Variants in CHCHD3 observed in about 807,000 individuals in gnomAD.
CHCHD3 encodes the protein coiled-coil-helix-coiled-coil-helix domain containing 3.
In CHCHD3, 20 loss-of-function variants were observed where a neutral mutation model predicts 38.2. The ratio of observed to expected loss-of-function variants is 0.52; its 90% CI spans 0.37 to 0.76. The LOEUF is 0.76. Ranked by LOEUF, CHCHD3 falls within the 30% of genes least tolerant of loss-of-function variation. The pLI is 0.00. For missense variants in CHCHD3, 245 were observed against 279.2 expected, an observed-to-expected ratio of 0.88 and a Z score of 0.87; for synonymous variants, 82 against 100.0, an observed-to-expected ratio of 0.82 and a Z score of 1.07.
intron 6 of CHCHD3, among the ~76,000 whole-genome samples, chr7:132,817,002 C>G (rs934708850): frequency 2.0e-5 from 3 of 152,096 alleles, no homozygotes; most frequent in Non-Finnish European, 2.9e-5. Flanking sequence ...AATGTGGCTG[C>G]CTGAAAAACA....
At chr7:132,864,507 A>G (rs1808568598) in intron 5 of CHCHD3, among the ~76,000 whole-genome samples, 1 of 152,232 alleles carries the variant, frequency 6.6e-6, no homozygotes, top group Non-Finnish European at 1.5e-5. Context: ...AATGTGGCAC[A>G]GAGACACTAA....
At chr7:133,066,704 G>A (rs1385034045) in intron 2 of CHCHD3, among the ~76,000 whole-genome samples, 4 of 152,022 alleles carry the variant, frequency 2.6e-5, no homozygotes, top group African/African-American at 4.8e-5. Flanking sequence ...CATGCTCTTC[G>A]GGCCAGACAC....
intron 2 of CHCHD3, among the ~76,000 whole-genome samples, chr7:133,066,313 G>A (rs1489832534): frequency 6.6e-6 from 1 of 151,334 alleles, no homozygotes; most frequent in African/African-American, 2.4e-5. Context: ...GAAGTGCAGT[G>A]GCACAATCTC....
intron 4 of CHCHD3, among the ~76,000 whole-genome samples, chr7:132,931,426 C>T (rs537534804): frequency 2.6e-4 from 40 of 152,292 alleles, no homozygotes; most frequent in Middle Eastern, 3.4e-3. Flanking sequence ...TACTTTTCTA[C>T]AGGAACTAGA....
chr7:132,935,949 G>C (rs1488990831), intron 4 of CHCHD3, among the ~76,000 whole-genome samples: 1 of 152,064 alleles, frequency 6.6e-6, no homozygotes, highest in Non-Finnish European at 1.5e-5. Context: ...GAGAGGATGG[G>C]GGCCAAACTT....
chr7:133,011,533 T>C (rs1812873370), intron 3 of CHCHD3, among the ~76,000 whole-genome samples: 1 of 152,182 alleles, frequency 6.6e-6, no homozygotes. Flanking sequence ...TGCTGGCCTC[T>C]ACCTATCAGA....
intron 5 of CHCHD3, among the ~76,000 whole-genome samples, chr7:132,884,821 C>T (rs1309709771): frequency 6.6e-6 from 1 of 152,164 alleles, no homozygotes; most frequent in Admixed American, 6.5e-5. Context: ...AATTCTAGAC[C>T]CATGCTGACT....
At chr7:133,059,649 AAG>A (rs1814443187) in intron 2 of CHCHD3, among the ~76,000 whole-genome samples, 3 of 152,316 alleles carry the variant, frequency 2.0e-5, no homozygotes, top group East Asian at 3.9e-4. Context: ...GATGGTACTC[AAG>A]AAAGTGCCTC....
intron 2 of CHCHD3, among the ~76,000 whole-genome samples, chr7:133,032,487 C>A (rs1247520872): frequency 6.6e-6 from 1 of 152,170 alleles, no homozygotes; most frequent in East Asian, 1.9e-4. Context: ...CATTATCACT[C>A]CATCAGGATG....
chr7:132,997,741 C>G (rs55793056), intron 3 of CHCHD3, among the ~76,000 whole-genome samples: 1 of 148,164 alleles, frequency 6.7e-6, no homozygotes, highest in African/African-American at 2.5e-5. Flanking sequence ...TTGTCAGAGA[C>G]CAATGCTTGA....
rs1005146883 is a variant in CHCHD3, at chr7:132,963,322, ATTTTTTTT to A, written c.369+11839_369+11846del. On this transcript the variant is annotated intron_variant, in intron 4 of 7. Coordinates refer to ENST00000262570, the MANE Select transcript of CHCHD3 (RefSeq NM_017812.4). ...TTAAGAAAGGAATTTTAAAATTGTA[ATTTTTTTT>A]TTTTTTTTTTTTTTTTTTTTGCCAG... is the stretch of plus-strand genomic sequence containing the variant. 4.5e-4 allele frequency among the ~76,000 whole-genome samples: 39 copies of A among 87,572 alleles called. 1 individual carries two copies. In the South Asian group the frequency reaches 0.014, roughly 30 times the overall value. 57.5% of individuals were successfully genotyped at this position (87,572 alleles called of 152,430 possible).
At chr7:132,946,946 T>C (rs1489166134) in intron 4 of CHCHD3, among the ~76,000 whole-genome samples, 1 of 151,984 alleles carries the variant, frequency 6.6e-6, no homozygotes, top group East Asian at 1.9e-4. Context: ...GCTTCGACAG[T>C]TGTCTCTTCT....
rs140500605 is a variant in CHCHD3 at position 132,958,053 on chromosome 7, C to T, written c.369+17116G>A. Among the ~76,000 whole-genome samples the T allele has an allele frequency of 3.9e-3, 593 of 152,294 alleles. 3 individuals carry two copies. The highest frequency in any genetic ancestry group is 0.014 in the African/African-American group (569 of 41,556). On this transcript the variant is annotated intron_variant, in intron 4 of 7. Transcript: ENST00000262570. The stretch of plus-strand genomic sequence containing the variant: ...ATGTGGGACCTCCTGCTAAGATATA[C>T]TCTTTCTGCAGACCAAGTACCTGGA...
chr7:132,865,527 A>G (rs1808596520), intron 5 of CHCHD3, among the ~76,000 whole-genome samples: 2 of 152,202 alleles, frequency 1.3e-5, no homozygotes, highest in Admixed American at 6.5e-5. Context: ...GAGGTGGTGA[A>G]TACAGATCCA....
intron 4 of CHCHD3, among the ~76,000 whole-genome samples, chr7:132,901,566 T>C (rs896751164): frequency 2.6e-5 from 4 of 152,232 alleles, no homozygotes; most frequent in African/African-American, 4.8e-5. Flanking sequence ...TGATGGCCAG[T>C]GATGATCAGA....
intron 4 of CHCHD3, among the ~76,000 whole-genome samples, chr7:132,900,425 T>A (rs1809638222): frequency 6.6e-6 from 1 of 152,158 alleles, no homozygotes; most frequent in East Asian, 1.9e-4. Flanking sequence ...CTCCTCTTGA[T>A]CTGTCTCATC....
intron 2 of CHCHD3, among the ~76,000 whole-genome samples, chr7:133,047,088 A>G: frequency 6.6e-6 from 1 of 152,182 alleles, no homozygotes; most frequent in East Asian, 1.9e-4. Flanking sequence ...AGCTGCTGGG[A>G]TATGCTAATG....
chr7:132,891,961 G>A (rs1809373185), intron 4 of CHCHD3, among the ~76,000 whole-genome samples: 1 of 152,188 alleles, frequency 6.6e-6, no homozygotes, highest in Non-Finnish European at 1.5e-5. Flanking sequence ...GCCTTCCCAG[G>A]AAGCGTAACT....
chr7:132,988,285 A>ACACACACACACACACC (rs1027636610), intron 3 of CHCHD3, among the ~76,000 whole-genome samples: 1 of 135,600 alleles, frequency 7.4e-6, no homozygotes, highest in East Asian at 2.3e-4. Context: ...TACAGAAAAT[A>ACACACACACACACACC]CACACACACA....
Sources: allele counts gnomAD v4.1 joint callset (sites outside exome capture counted in the v4.1 genomes callset), GRCh38; gene constraint gnomAD v4.1.1; transcripts MANE v1.5; gene names NCBI Gene and HGNC (gene_info 2026-07-23, HGNC 2026-07-21).